The following ZMYM4 variants were observed in gnomAD, a reference collection of about 807,000 sequenced individuals.
ZMYM4 encodes the protein zinc finger MYM-type containing 4.
Under a neutral mutation model 183.2 loss-of-function variants are expected in ZMYM4, and 31 were observed. That is an observed-to-expected ratio of 0.17 (90% CI 0.13 to 0.23). ZMYM4 has a LOEUF of 0.23. ZMYM4 is among the 10% of genes least tolerant of loss of function. The probability of loss-of-function intolerance (pLI) is 1.00; values close to 1 mark genes in which losing one functional copy is unlikely to be tolerated. For missense variants in ZMYM4, 1,273 were observed against 1,840.3 expected, an observed-to-expected ratio of 0.69 and a Z score of 5.64; for synonymous variants, 592 against 631.2, an observed-to-expected ratio of 0.94 and a Z score of 0.93.
At chr1:35,323,856 G>A (rs1169687579) in intron 1 of ZMYM4, among the ~76,000 whole-genome samples, 1 of 152,042 alleles carries the variant, frequency 6.6e-6, no homozygotes, top group Non-Finnish European at 1.5e-5. Flanking sequence ...ACCTGGCCCA[G>A]AGTGACATTT....
At chr1:35,405,299 G>A in intron 24 of ZMYM4, 74 bp from the exon 25 acceptor site, 1 of 1,577,934 alleles carries the variant, frequency 6.3e-7, no homozygotes, top group East Asian at 2.2e-5. Flanking sequence ...TAAAACTTTG[G>A]TTTGGGCTTT....
chr1:35,400,051 G>A (rs1444397150), intron 23 of ZMYM4: 2 of 152,520 alleles, frequency 1.3e-5, no homozygotes, highest in Non-Finnish European at 2.8e-5. Flanking sequence ...GCTGAGGCAG[G>A]AGAATGGCCT....
intron 18 of ZMYM4, 128 bp downstream of exon 18, chr1:35,393,867 T>A (rs1417588982): frequency 9.4e-6 from 10 of 1,063,966 alleles, no homozygotes; most frequent in Non-Finnish European, 1.1e-5. Flanking sequence ...CCCAATTTAG[T>A]TCTCACAGCA....
chr1:35,349,868 G>T (rs1643535395), intron 2 of ZMYM4, among the ~76,000 whole-genome samples: 1 of 150,118 alleles, frequency 6.7e-6, no homozygotes, highest in African/African-American at 2.4e-5. Flanking sequence ...ACTAAACAAA[G>T]TGCTAACTTA....
At chr1:35,345,034 G>T (rs1476959878) in intron 2 of ZMYM4, among the ~76,000 whole-genome samples, 1 of 152,164 alleles carries the variant, frequency 6.6e-6, no homozygotes, top group Admixed American at 6.5e-5. Flanking sequence ...TATCTGCACA[G>T]TCAGAGTCTG....
chr1:35,323,704 C>T (rs1642386850), intron 1 of ZMYM4, among the ~76,000 whole-genome samples: 1 of 152,028 alleles, frequency 6.6e-6, no homozygotes, highest in African/African-American at 2.4e-5. Flanking sequence ...AGGCGCCCAC[C>T]ACCATGTCCG....
chr1:35,356,604 A>G (rs936806321), intron 2 of ZMYM4, among the ~76,000 whole-genome samples: 4 of 152,194 alleles, frequency 2.6e-5, no homozygotes, highest in African/African-American at 9.7e-5. Flanking sequence ...GACTCAAATC[A>G]TTATTTACCC....
At chr1:35,303,192 G>A (rs1641369893) in intron 1 of ZMYM4, among the ~76,000 whole-genome samples, 1 of 151,596 alleles carries the variant, frequency 6.6e-6, no homozygotes, top group Non-Finnish European at 1.5e-5. Context: ...TGGAGGCTGA[G>A]GTGGGAGGAT....
intron 9 of ZMYM4, among the ~76,000 whole-genome samples, chr1:35,385,096 C>T (rs1644547689): frequency 1.3e-5 from 2 of 152,152 alleles, no homozygotes; most frequent in Admixed American, 1.3e-4. Context: ...CCACCCACCT[C>T]GGCCTCCCGA....
intron 2 of ZMYM4, among the ~76,000 whole-genome samples, chr1:35,352,110 G>GTA (rs1045301113): frequency 1.3e-5 from 2 of 152,094 alleles, no homozygotes; most frequent in African/African-American, 4.8e-5. Context: ...AAAACCACAA[G>GTA]TAAATAGGCT....
intron 1 of ZMYM4, among the ~76,000 whole-genome samples, chr1:35,272,913 A>G (rs965151454): frequency 3.9e-5 from 6 of 152,106 alleles, no homozygotes; most frequent in African/African-American, 1.4e-4. Flanking sequence ...ACGGGGTTTC[A>G]CCATGTTAGC....
chr1:35,391,591 G>A (rs542092260), intron 15 of ZMYM4, among the ~76,000 whole-genome samples: 1 of 152,110 alleles, frequency 6.6e-6, no homozygotes, highest in Non-Finnish European at 1.5e-5. Flanking sequence ...AAAAACATTA[G>A]GCTGAATTGT....
At position 35,370,493 on chromosome 1, in the gene ZMYM4, G is replaced by C; in HGVS notation, c.1047G>C (p.Gln349His). Residue 349 changes from glutamine to histidine, a missense_variant, in exon 7 of 30, where the codon CAG becomes CAC. Transcript: ENST00000314607. ...GTTCTGGTTGTAAAAAAATCCTCCAGAAGGGGCAAACTGCTTATCAGAGGA... is the reference window on the plus strand; with the variant it reads ...GTTCTGGTTGTAAAAAAATCCTCCACAAGGGGCAAACTGCTTATCAGAGGA... ...VSCSGCKKIL[Q>H]KGQTAYQRKG... 6.2e-7 allele frequency: 1 copy of C among 1,613,470 alleles called. No individual in the cohort carries two copies. The highest frequency in any genetic ancestry group is 1.7e-4 in the Middle Eastern group (1 of 6,060).
intron 2 of ZMYM4, among the ~76,000 whole-genome samples, chr1:35,356,163 T>A (rs1039158418): frequency 1.3e-5 from 2 of 152,138 alleles, no homozygotes; most frequent in Admixed American, 1.3e-4. Context: ...TAAGCTGAGA[T>A]CATGCCACTG....
At chr1:35,324,911 A>G (rs549135157) in intron 1 of ZMYM4, among the ~76,000 whole-genome samples, 13 of 152,214 alleles carry the variant, frequency 8.5e-5, no homozygotes, top group South Asian at 8.3e-4. Flanking sequence ...AACCATCCCT[A>G]TAACAGGCCT....
chr1:35,375,067 C>CT (rs1454499040), intron 7 of ZMYM4, among the ~76,000 whole-genome samples: 1 of 152,202 alleles, frequency 6.6e-6, no homozygotes, highest in African/African-American at 2.4e-5. Context: ...GTCTTTTACC[C>CT]TTTTTTTATT....
chr1:35,312,488 T>C (rs950768214), intron 1 of ZMYM4, among the ~76,000 whole-genome samples: 29 of 152,228 alleles, frequency 1.9e-4, no homozygotes, highest in African/African-American at 6.8e-4. Context: ...ATTAACACCA[T>C]CCATATCCAG....
At chr1:35,304,117 C>T (rs2148758354) in intron 1 of ZMYM4, among the ~76,000 whole-genome samples, 1 of 152,136 alleles carries the variant, frequency 6.6e-6, no homozygotes, top group East Asian at 1.9e-4. Context: ...CTCCGCCTCC[C>T]ACATTCATGC....
In ZMYM4 at chr1:35,276,430, A is replaced by G. The variant is rs371579019; in HGVS notation, c.39+7345A>G. Among the ~76,000 whole-genome samples the G allele has an allele frequency of 2.0e-5, 3 of 152,222 alleles. No homozygotes were observed. The East Asian group carries it at 5.8e-4, about 29-fold the overall frequency. On this transcript the variant is annotated intron_variant, in intron 1 of 29. Coordinates refer to ENST00000314607, the MANE Select transcript of ZMYM4 (RefSeq NM_005095.3). ...CAGATAAGAATTTTTAACAAGCACAACCACAATACTGTTACGACCTAACAA... is the reference window on the plus strand; with the variant it reads ...CAGATAAGAATTTTTAACAAGCACAGCCACAATACTGTTACGACCTAACAA...
Sources: gnomAD v4.1 joint callset for allele counts (sites outside exome capture counted in the v4.1 genomes callset) on GRCh38, gnomAD v4.1.1 for gene constraint, MANE v1.5 for transcripts, NCBI Gene and HGNC (gene_info 2026-07-23, HGNC 2026-07-21) for gene names.